The following AGMO variants were observed in gnomAD, a reference collection of about 807,000 sequenced individuals.
AGMO encodes alkylglycerol monooxygenase.
In AGMO, 75 loss-of-function variants were observed where a neutral mutation model predicts 60.2. The observed-to-expected ratio is 1.25, with a 90% confidence interval of 1.03 to 1.51. The LOEUF (loss-of-function observed/expected upper bound fraction) is 1.51, where lower values mean the gene tolerates loss of function less well. AGMO is among the 40% of genes most tolerant of loss of function. AGMO has a pLI of 0.00. For missense variants in AGMO, 763 were observed against 525.5 expected, an observed-to-expected ratio of 1.45 and a Z score of -4.42; for synonymous variants, 261 against 177.1, an observed-to-expected ratio of 1.47 and a Z score of -3.76.
intron 12 of AGMO, among the ~76,000 whole-genome samples, chr7:15,309,772 G>T (rs1447697246): frequency 1.3e-5 from 2 of 152,044 alleles, no homozygotes; most frequent in African/African-American, 4.8e-5. Context: ...AAAGCCCAGA[G>T]AAGTTAACTG....
intron 12 of AGMO, among the ~76,000 whole-genome samples, chr7:15,338,207 T>C (rs1184408691): frequency 6.6e-6 from 1 of 152,200 alleles, no homozygotes; most frequent in Non-Finnish European, 1.5e-5. Flanking sequence ...TTTTAAAATA[T>C]ACAACTCAGT....
the AGMO span, among the ~76,000 whole-genome samples, chr7:15,170,946 A>C: frequency 6.6e-6 from 1 of 151,966 alleles, no homozygotes; most frequent in South Asian, 2.1e-4. Flanking sequence ...TTTTCCTCAT[A>C]TTTAGACTTT....
chr7:15,484,444 G>C (rs1212992526), intron 3 of AGMO, among the ~76,000 whole-genome samples: 5 of 152,126 alleles, frequency 3.3e-5, no homozygotes, highest in Admixed American at 3.3e-4. Flanking sequence ...GAGATATCAG[G>C]TGTGCTGAGG....
intron 10 of AGMO, among the ~76,000 whole-genome samples, chr7:15,378,402 A>G (rs1283094018): frequency 6.6e-6 from 1 of 152,078 alleles, no homozygotes; most frequent in Non-Finnish European, 1.5e-5. Flanking sequence ...CTGTTTTGTC[A>G]GAAACTTGGG....
chr7:15,243,399 T>A (rs1408741291), intron 12 of AGMO, among the ~76,000 whole-genome samples: 1 of 152,144 alleles, frequency 6.6e-6, no homozygotes, highest in East Asian at 1.9e-4. Context: ...GATGTTTTTT[T>A]TTTACAAGTT....
chr7:15,546,413 C>A (rs1473687513), intron 2 of AGMO, among the ~76,000 whole-genome samples: 2 of 152,176 alleles, frequency 1.3e-5, no homozygotes, highest in African/African-American at 4.8e-5. Context: ...GTACCCATAC[C>A]ACATTGCCAA....
intron 5 of AGMO, among the ~76,000 whole-genome samples, chr7:15,399,432 A>G (rs1239701251): frequency 6.6e-6 from 1 of 152,238 alleles, no homozygotes; most frequent in African/African-American, 2.4e-5. Flanking sequence ...ACAGATAAGT[A>G]AAACCTGAGT....
intron 3 of AGMO, among the ~76,000 whole-genome samples, chr7:15,449,704 T>C (rs2128505084): frequency 6.6e-6 from 1 of 152,192 alleles, no homozygotes; most frequent in East Asian, 1.9e-4. Context: ...AGTATATCTG[T>C]TATAGTTTGC....
intron 3 of AGMO, among the ~76,000 whole-genome samples, chr7:15,440,014 T>C (rs1343394161): frequency 6.6e-6 from 1 of 152,144 alleles, no homozygotes. Context: ...TAAATGTGTA[T>C]TTCCCTTAGC....
chr7:15,125,132 T>C, the AGMO span, among the ~76,000 whole-genome samples: 1 of 152,252 alleles, frequency 6.6e-6, no homozygotes, highest in African/African-American at 2.4e-5. Flanking sequence ...CCAAGATACC[T>C]GTATGTGCAA....
At chr7:15,263,705 T>C (rs984938231) in intron 12 of AGMO, among the ~76,000 whole-genome samples, 1 of 151,838 alleles carries the variant, frequency 6.6e-6, no homozygotes, top group East Asian at 1.9e-4. Context: ...TAAAGAAATA[T>C]GGTATACCAT....
chr7:15,340,241 T>A (rs1367704306), intron 12 of AGMO, among the ~76,000 whole-genome samples: 1 of 152,144 alleles, frequency 6.6e-6, no homozygotes, highest in East Asian at 1.9e-4. Flanking sequence ...ACACCTGCAG[T>A]TTGACTGTGA....
At chr7:15,255,338 T>C (rs550712270) in intron 12 of AGMO, among the ~76,000 whole-genome samples, 30 of 152,232 alleles carry the variant, frequency 2.0e-4, no homozygotes, top group African/African-American at 7.0e-4. Context: ...TCTGCACATG[T>C]ACCCCAGAAC....
Position 15,365,606 on chromosome 7 carries a change from T to C in AGMO, c.1171A>G (p.Ile391Val). 1 of 1,612,272 alleles carries C rather than the reference T, an allele frequency of 6.2e-7. No homozygotes were observed. Among genetic ancestry groups the C allele is most frequent in the Non-Finnish European group, 8.5e-7 (1 of 1,178,660 alleles). Residue 391 changes from isoleucine (I) to valine (V), a missense_variant, in exon 12 of 13, where the codon ATT becomes GTT. Transcript: ENST00000342526. ...FLLDQRPKAA[I>V]METLRCLMFL... is the part of the protein sequence containing the mutation. The stretch of plus-strand genomic sequence containing the variant: ...ATCAAGCAACGGAGAGTTTCCATAA[T>C]AGCTGCCTTGGGTCTGAAATAAAAT...
rs140459306 is a variant in AGMO, at chr7:15,500,420, A to C, written c.409+44352T>G. ...TCTCATTGTAAGTAAAAAGATTTTT[A>C]AAAAGTAATCCAAGAAGGAAAACCC... is the stretch of plus-strand genomic sequence containing the variant. On this transcript the variant is annotated intron_variant, in intron 3 of 12. Transcript: ENST00000342526. 1.0e-3 allele frequency among the ~76,000 whole-genome samples: 152 copies of C among 152,056 alleles called. 3 individuals carry two copies. The East Asian group carries it at 0.021, about 21-fold the overall frequency.
the AGMO span, among the ~76,000 whole-genome samples, chr7:15,188,005 G>C: frequency 1.3e-5 from 2 of 152,032 alleles, no homozygotes; most frequent in African/African-American, 4.8e-5. Flanking sequence ...CCTTATGTCT[G>C]TTCTCACACT....
At chr7:15,266,771 T>A (rs928498666) in intron 12 of AGMO, among the ~76,000 whole-genome samples, 2 of 151,708 alleles carry the variant, frequency 1.3e-5, no homozygotes, top group African/African-American at 4.9e-5. Flanking sequence ...TTGCCTCACT[T>A]ATGTTTAAGT....
intron 12 of AGMO, among the ~76,000 whole-genome samples, chr7:15,361,140 G>A (rs529032353): frequency 5.9e-5 from 9 of 152,140 alleles, no homozygotes; most frequent in Non-Finnish European, 4.4e-5. Context: ...TCTCCACAGT[G>A]GGCTGCTCAC....
At chr7:15,159,848 C>A in the AGMO span, among the ~76,000 whole-genome samples, 1 of 152,158 alleles carries the variant, frequency 6.6e-6, no homozygotes, top group Non-Finnish European at 1.5e-5. Flanking sequence ...TGACAAAGGT[C>A]CTGCATATTG....
Sources: allele counts gnomAD v4.1 joint callset (sites outside exome capture counted in the v4.1 genomes callset), GRCh38; gene constraint gnomAD v4.1.1; transcripts MANE v1.5; gene names NCBI Gene and HGNC (gene_info 2026-07-23, HGNC 2026-07-21).